The following KL variants were observed in gnomAD, a reference collection of about 807,000 sequenced individuals.
The protein encoded by KL is klotho.
In KL, 62 loss-of-function variants were observed where a neutral mutation model predicts 84.2. The observed-to-expected ratio is 0.74, with a 90% CI of 0.60 to 0.91. The LOEUF (loss-of-function observed/expected upper bound fraction) is 0.91, where lower values mean the gene tolerates loss of function less well. Among genes scored for constraint, KL ranks in the 40% least tolerant of loss-of-function variants. The pLI is 0.00. For synonymous variants in KL, 528 were observed against 528.0 expected (o/e 1.00, Z 0.00); for missense variants, 1,261 against 1,305.7 (o/e 0.97, Z 0.53).
chr13:33,016,971 G>C lies in KL; in HGVS notation c.531G>C (p.Leu177=). 6.3e-7 allele frequency: 1 copy of C among 1,598,682 alleles called. No individual in the cohort carries two copies. The highest frequency in any genetic ancestry group is 2.2e-5 in the East Asian group (1 of 44,510). ...REGLRYYRRL[L]ERLRELGVQP... is the part of the protein sequence containing the mutation. ...GGCTGCGCTACTACCGGCGCCTGCT[G>C]GAGCGGCTGCGGGAGCTGGGCGTGC... is the stretch of plus-strand genomic sequence containing the variant. Residue 177 remains leucine, a synonymous_variant, in exon 1 of 5, where the codon CTG becomes CTC. Coordinates refer to ENST00000380099, the MANE Select transcript of KL (RefSeq NM_004795.4).
intron 1 of KL, among the ~76,000 whole-genome samples, chr13:33,052,998 AT>A (rs1871810667): frequency 6.6e-6 from 1 of 152,252 alleles, no homozygotes; most frequent in Non-Finnish European, 1.5e-5. Context: ...GTAAGAATTT[AT>A]GGGAGTATAA....
chr13:33,017,207 G>A lies in KL; in HGVS notation c.767G>A (p.Gly256Asp). ...TACGCCACCGGGCGCCTGGCCCCCG[G>A]CATCCGGGGCAGCCCGCGGCTCGGG... ...HGYATGRLAP[G>D]IRGSPRLGYL... Residue 256 changes from glycine (G) to aspartate (D), a missense_variant, in exon 1 of 5, where the codon GGC (glycine) becomes GAC (aspartate). Coordinates refer to ENST00000380099, the MANE Select transcript of KL (RefSeq NM_004795.4). 6.3e-7 allele frequency: 1 copy of A among 1,595,054 alleles called. No homozygotes were observed.
At chr13:33,055,950 C>T (rs1441305756) in intron 3 of KL, among the ~76,000 whole-genome samples, 2 of 152,194 alleles carry the variant, frequency 1.3e-5, no homozygotes, top group Admixed American at 6.5e-5. Flanking sequence ...TGTTTTCCAG[C>T]ATTTGACTGG....
intron 1 of KL, among the ~76,000 whole-genome samples, chr13:33,031,330 T>G (rs1325589247): frequency 6.6e-6 from 1 of 152,186 alleles, no homozygotes; most frequent in Non-Finnish European, 1.5e-5. Flanking sequence ...AAACTGGACT[T>G]GGAGGCTGGA....
intron 1 of KL, among the ~76,000 whole-genome samples, chr13:33,040,377 T>C (rs1871295316): frequency 6.6e-6 from 1 of 152,188 alleles, no homozygotes; most frequent in Non-Finnish European, 1.5e-5. Flanking sequence ...GAAGTTGAGG[T>C]AATAGGGTGC....
intron 1 of KL, among the ~76,000 whole-genome samples, chr13:33,025,058 A>AG (rs1031435741): frequency 2.0e-5 from 3 of 152,190 alleles, no homozygotes; most frequent in African/African-American, 7.2e-5. Context: ...CTGTCAGAAA[A>AG]GAGGGATAAG....
chr13:33,063,465 T>C (rs11840946), intron 4 of KL, among the ~76,000 whole-genome samples: 1,778 of 152,158 alleles, frequency 0.012, 35 homozygotes, highest in African/African-American at 0.04. Flanking sequence ...ATCGGAAACT[T>C]CCCAGCAGGA....
intron 3 of KL, among the ~76,000 whole-genome samples, chr13:33,057,073 G>A (rs149934776): frequency 3.3e-5 from 5 of 152,144 alleles, no homozygotes; most frequent in African/African-American, 1.2e-4. Context: ...GAAGACCTCC[G>A]TAGCCTTCCT....
intron 1 of KL, among the ~76,000 whole-genome samples, chr13:33,042,637 T>TA (rs1871377325): frequency 6.6e-6 from 1 of 152,172 alleles, no homozygotes; most frequent in South Asian, 2.1e-4. Context: ...AATGGACATT[T>TA]GTGTTGTTTT....
chr13:33,045,531 A>C (rs1871494745), intron 1 of KL, among the ~76,000 whole-genome samples: 1 of 152,060 alleles, frequency 6.6e-6, no homozygotes, highest in South Asian at 2.1e-4. Flanking sequence ...CCTGGGCTGG[A>C]GTGCAGTGGC....
intron 1 of KL, among the ~76,000 whole-genome samples, chr13:33,025,521 A>G (rs565587): frequency 0.59 from 89,598 of 152,006 alleles, 28,293 homozygotes; most frequent in Middle Eastern, 0.72. Flanking sequence ...CAAAGTCAGT[A>G]CAGGTGAGAC....
At chr13:33,041,885 C>G (rs1184569117) in intron 1 of KL, among the ~76,000 whole-genome samples, 1 of 152,122 alleles carries the variant, frequency 6.6e-6, no homozygotes, top group Non-Finnish European at 1.5e-5. Context: ...GTCTAAACTG[C>G]CTTCCCATCC....
Position 33,060,942 on chromosome 13 carries a change from C to T in KL, c.1863C>T (p.Cys621=). The T allele has an allele frequency of 6.2e-7, 1 of 1,612,002 alleles. No individual in the cohort carries two copies. Among genetic ancestry groups the T allele is most frequent in the Non-Finnish European group, 8.5e-7 (1 of 1,178,262 alleles). The change falls in exon 4 of 5, where the codon TGC becomes TGT. Residue 621 remains cysteine, a synonymous_variant. Coordinates refer to ENST00000380099, the MANE Select transcript of KL (RefSeq NM_004795.4). Reference sequence around the variant, plus strand: ...ACACCATCCTGCAGTACTATCGCTGCATGGCCAGCGAGCTTGTCCGTGTCA... The same window carrying T: ...ACACCATCCTGCAGTACTATCGCTGTATGGCCAGCGAGCTTGTCCGTGTCA... ...VNHTILQYYR[C]MASELVRVNI...
Position 33,064,010 on chromosome 13 carries a change from G to C in KL, c.2863G>C (p.Gly955Arg). Residue 955 changes from glycine (G) to arginine (R), a missense_variant, in exon 5 of 5, where the codon GGC becomes CGC. Gly to Arg is a moderately radical substitution (Grantham distance 125). Transcript: ENST00000380099. ...RKIIDSNGFPGPETLERFCPE... is the reference protein window; with the variant it reads ...RKIIDSNGFPRPETLERFCPE... Reference sequence around the variant, plus strand: ...AATTATTGACAGCAATGGTTTCCCGGGCCCAGAAACTCTGGAAAGATTTTG... The same window carrying C: ...AATTATTGACAGCAATGGTTTCCCGCGCCCAGAAACTCTGGAAAGATTTTG... The C allele has an allele frequency of 6.2e-7, 1 of 1,614,088 alleles. No individual in the cohort carries two copies. Among genetic ancestry groups the C allele is most frequent in the Non-Finnish European group, 8.5e-7 (1 of 1,180,014 alleles).
intron 1 of KL, among the ~76,000 whole-genome samples, chr13:33,021,532 T>C (rs1195259143): frequency 6.6e-6 from 1 of 152,204 alleles, no homozygotes; most frequent in Non-Finnish European, 1.5e-5. Flanking sequence ...GTATATATGC[T>C]CAAATTACAT....
intron 2 of KL, among the ~76,000 whole-genome samples, chr13:33,054,596 T>C (rs529104607): frequency 7.9e-5 from 12 of 152,328 alleles, no homozygotes; most frequent in African/African-American, 2.9e-4. Flanking sequence ...TCTGCACATG[T>C]TTTTCAGTTC....
intron 1 of KL, among the ~76,000 whole-genome samples, chr13:33,040,594 TTTAA>T (rs1871302705): frequency 6.6e-6 from 1 of 152,232 alleles, no homozygotes; most frequent in African/African-American, 2.4e-5. Flanking sequence ...TCTCAGTCCA[TTTAA>T]TTAAGATTAT....
Position 33,054,042 on chromosome 13 carries a change from CT to C in KL, c.1101del (p.Phe367LeufsTer9), listed in dbSNP as rs755503435. The C allele has an allele frequency of 1.2e-6, 2 of 1,612,602 alleles. No homozygotes were observed. Among genetic ancestry groups the C allele is most frequent in the Non-Finnish European group, 1.7e-6 (2 of 1,179,016 alleles). ...EKKFIKGTAD[F>X]FALCFGPTLS... ...AAAAGTTCATCAAAGGAACTGCTGACTTTTTTGCTCTTTGCTTTGGACCCAC... is the reference window on the plus strand; with the variant it reads ...AAAAGTTCATCAAAGGAACTGCTGACTTTTTGCTCTTTGCTTTGGACCCAC... On this transcript the variant is annotated frameshift_variant, in exon 2 of 5. Transcript: ENST00000380099. LOFTEE classifies it high-confidence loss of function.
intron 3 of KL, among the ~76,000 whole-genome samples, chr13:33,058,236 T>A (rs1439400577): frequency 6.6e-6 from 1 of 152,234 alleles, no homozygotes; most frequent in East Asian, 1.9e-4. Flanking sequence ...TAGCCGTTCC[T>A]TCTGAAAGGT....
Sources: gnomAD v4.1 joint callset for allele counts (sites outside exome capture counted in the v4.1 genomes callset) on GRCh38, gnomAD v4.1.1 for gene constraint, MANE v1.5 for transcripts, NCBI Gene and HGNC (gene_info 2026-07-23, HGNC 2026-07-21) for gene names.